The following GREB1 variants were observed in gnomAD, a reference collection of about 807,000 sequenced individuals.
GREB1 encodes growth regulating estrogen receptor binding 1, also known as protein GREB1.
GREB1 carries 106 observed loss-of-function variants against 200.7 expected under a neutral mutation model. The observed-to-expected ratio is 0.53, with a 90% CI of 0.45 to 0.62. The LOEUF (loss-of-function observed/expected upper bound fraction) is 0.62. Among genes scored for constraint, GREB1 ranks in the 20% least tolerant of loss-of-function variants. The pLI is 0.00. For missense variants in GREB1, 2,243 were observed against 2,556.8 expected (o/e 0.88, Z 2.65); for synonymous variants, 1,132 against 1,092.4 (o/e 1.04, Z -0.72).
At chr2:11,553,163 T>C (rs542550114) in intron 1 of GREB1, among the ~76,000 whole-genome samples, 1 of 152,284 alleles carries the variant, frequency 6.6e-6, no homozygotes, top group African/African-American at 2.4e-5. Flanking sequence ...CTTACAGACA[T>C]TAAAACTTTG....
intron 13 of GREB1, 107 bp downstream of exon 13, chr2:11,596,346 TGTGCACAG>T: frequency 2.5e-6 from 2 of 807,526 alleles, no homozygotes; most frequent in Non-Finnish European, 3.7e-6. Flanking sequence ...ATGGCGCAAG[TGTGCACAG>T]TGAGGGGGCA....
intron 17 of GREB1, among the ~76,000 whole-genome samples, chr2:11,605,452 C>G (rs1025559030): frequency 2.0e-5 from 3 of 152,038 alleles, no homozygotes; most frequent in Admixed American, 2.0e-4. Flanking sequence ...TCTCAAACTC[C>G]TGACTTCATG....
At chr2:11,574,134 C>T (rs987652561) in intron 4 of GREB1, among the ~76,000 whole-genome samples, 6 of 152,180 alleles carry the variant, frequency 3.9e-5, no homozygotes, top group Admixed American at 3.9e-4. Context: ...CTTACAGAAA[C>T]CCTAACAGGC....
chr2:11,605,173 T>TTTTTTTTTTTTC (rs1682150444), intron 17 of GREB1, among the ~76,000 whole-genome samples: 1 of 140,908 alleles, frequency 7.1e-6, no homozygotes, highest in Non-Finnish European at 1.5e-5. Context: ...TTTTTTTTTT[T>TTTTTTTTTTTTC]TTTACGCAGC....
intron 17 of GREB1, among the ~76,000 whole-genome samples, chr2:11,603,030 G>A (rs1462682202): frequency 6.6e-6 from 1 of 152,176 alleles, no homozygotes; most frequent in East Asian, 1.9e-4. Context: ...AAATGAAGAG[G>A]CTGAGGCTTG....
intron 1 of GREB1, among the ~76,000 whole-genome samples, chr2:11,516,467 G>A (rs907486745): frequency 1.1e-4 from 17 of 152,098 alleles, no homozygotes; most frequent in African/African-American, 3.4e-4. Context: ...GTGCATCCTC[G>A]AATGTCTTCT....
At position 11,610,669 on chromosome 2, in the gene GREB1, C is replaced by A; in HGVS notation, c.2667-19C>A. 1.3e-6 allele frequency: 2 copies of A among 1,568,536 alleles called. No individual in the cohort carries two copies. The highest frequency in any genetic ancestry group is 2.3e-5 in the South Asian group (2 of 87,630). On this transcript the variant is annotated intron_variant, in intron 17 of 32. Coordinates refer to ENST00000381486, the MANE Select transcript of GREB1 (RefSeq NM_014668.4). ...TGGGCGCGGCCGTCACAGACATGGT[C>A]TCTCTGTGTTCCTTGCAGGTTCCCC...
chr2:11,483,000 G>C (rs1013433780), intron 1 of GREB1, among the ~76,000 whole-genome samples: 7 of 151,504 alleles, frequency 4.6e-5, no homozygotes, highest in Non-Finnish European at 7.4e-5. Context: ...CGGGCGGAGC[G>C]GGGGCGCGGG....
At chr2:11,637,991 C>T in intron 31 of GREB1, 75 bp downstream of exon 31, 1 of 1,276,920 alleles carries the variant, frequency 7.8e-7, no homozygotes, top group South Asian at 1.2e-5. Context: ...GAATCTGGGA[C>T]TCTGAATCCT....
chr2:11,527,265 A>C (rs189376269), intron 1 of GREB1, among the ~76,000 whole-genome samples: 1 of 152,240 alleles, frequency 6.6e-6, no homozygotes, highest in Non-Finnish European at 1.5e-5. Flanking sequence ...GCTACTAGTC[A>C]TATTATTAGA....
chr2:11,508,504 A>G (rs1673246510), intron 1 of GREB1, among the ~76,000 whole-genome samples: 2 of 152,174 alleles, frequency 1.3e-5, no homozygotes, highest in African/African-American at 2.4e-5. Flanking sequence ...CAGTGTGGCA[A>G]AGGTTTGTTT....
Position 11,597,844 on chromosome 2 carries a change from C to G in GREB1, c.2018C>G (p.Ser673Cys). The change falls in exon 14 of 33, where the codon TCC (serine) becomes TGC (cysteine). Residue 673 changes from serine to cysteine, a missense_variant. Physicochemically the swap from Ser to Cys is moderately radical, Grantham distance 112 (BLOSUM62 -1). Around this residue, in one of 3 missense-constraint regions of GREB1, gnomAD observed 1,178 missense variants for 1,387.4 expected, o/e 0.85. Transcript: ENST00000381486. This position sits in a 1 kb window ranked among gnomAD's most constrained non-coding sequence, Gnocchi z 4.1. ...FQLAVAQKLL[S>C]HVCSIADSST... ...CTGGCAGTAGCGCAGAAGCTCCTCTCCCATGTGTGTTCCATTGCGGATTCC... is the reference window on the plus strand; with the variant it reads ...CTGGCAGTAGCGCAGAAGCTCCTCTGCCATGTGTGTTCCATTGCGGATTCC... 1 of 1,614,198 alleles carries G rather than the reference C, an allele frequency of 6.2e-7. No homozygotes were observed.
intron 1 of GREB1, among the ~76,000 whole-genome samples, chr2:11,523,341 A>G (rs930144550): frequency 2.0e-5 from 3 of 152,150 alleles, no homozygotes; most frequent in Admixed American, 1.3e-4. Flanking sequence ...ACATGAGTTT[A>G]CCTGTATAAC....
In GREB1 at chr2:11,638,736, C is replaced by G. The variant is rs1407229712; in HGVS notation, c.5613C>G (p.Phe1871Leu). Residue 1871 changes from phenylalanine to leucine, a missense_variant, in exon 32 of 33, where the codon TTC becomes TTG. Physicochemically the swap from Phe to Leu is conservative, Grantham distance 22 (BLOSUM62 0). Coordinates refer to ENST00000381486, the MANE Select transcript of GREB1 (RefSeq NM_014668.4). ...SLNISCSDLL[F>L]SGLLLYLCDS... is the part of the protein sequence containing the mutation. ...ACATCAGCTGCTCGGACTTGCTGTTCAGTGGGCTGCTGCTGTACCTCTGTG... is the reference window on the plus strand; with the variant it reads ...ACATCAGCTGCTCGGACTTGCTGTTGAGTGGGCTGCTGCTGTACCTCTGTG... The G allele has an allele frequency of 1.2e-6, 2 of 1,613,864 alleles. No individual in the cohort carries two copies. Among genetic ancestry groups the G allele is most frequent in the Non-Finnish European group, 1.7e-6 (2 of 1,179,832 alleles).
At chr2:11,483,672 C>T (rs1212601894) in intron 1 of GREB1, among the ~76,000 whole-genome samples, 1 of 143,482 alleles carries the variant, frequency 7.0e-6, no homozygotes, top group Non-Finnish European at 1.5e-5. Flanking sequence ...GCTGCTTCCC[C>T]GAAGTACAAG....
At chr2:11,529,958 G>A (rs1674009768), upstream of GREB1, among the ~76,000 whole-genome samples, 1 of 152,170 alleles carries the variant, frequency 6.6e-6, no homozygotes. Context: ...AGTTAAATTG[G>A]CTTGTCAGAA....
chr2:11,602,395 CT>C lies in GREB1; in HGVS notation c.2530-8del, dbSNP rs1440256047. 6.2e-7 allele frequency: 1 copy of C among 1,613,006 alleles called. No homozygotes were observed. Among genetic ancestry groups the C allele is most frequent in the African/African-American group, 1.3e-5 (1 of 74,916 alleles). Reference sequence around the variant, plus strand: ...CAGTGTTGGAGTGACCGACGCTCTTCTTTGTTTTAGGGAGTGGACTTATATC... The same window carrying C: ...CAGTGTTGGAGTGACCGACGCTCTTCTTGTTTTAGGGAGTGGACTTATATC... On this transcript the variant is annotated splice_polypyrimidine_tract_variant and intron_variant, in intron 16 of 32. Coordinates refer to ENST00000381486, the MANE Select transcript of GREB1 (RefSeq NM_014668.4).
In GREB1 at chr2:11,580,620, G is replaced by A; in HGVS notation, c.773-84G>A. On this transcript the variant is annotated intron_variant, in intron 6 of 32. Transcript: ENST00000381486. This position sits in a 1 kb window ranked among gnomAD's most constrained non-coding sequence, Gnocchi z 4.5. ...TGGGGAAAAGCTAGTTTGTGAAACT[G>A]CAAGGAAAATGATTTCCTCCTTGCC... is the stretch of plus-strand genomic sequence containing the variant. 1 of 1,482,036 alleles carries A rather than the reference G, an allele frequency of 6.7e-7. No homozygotes were observed. The highest frequency in any genetic ancestry group is 2.3e-5 in the East Asian group (1 of 43,934). 91.8% of individuals were successfully genotyped at this position (1,482,036 alleles called of 1,614,324 possible). A position where few individuals can be genotyped will look rare whatever the true frequency, so the allele number is the denominator to read the frequency against.
chr2:11,630,889 G>A (rs889929081), intron 26 of GREB1, among the ~76,000 whole-genome samples: 1 of 152,210 alleles, frequency 6.6e-6, no homozygotes, highest in Non-Finnish European at 1.5e-5. Context: ...CTCAAGGCAG[G>A]CCATGTGGAG....
Sources: gnomAD v4.1 joint callset for allele counts (sites outside exome capture counted in the v4.1 genomes callset) on GRCh38, gnomAD v4.1.1 for gene constraint, gnomAD v4.1.1 regional missense constraint, Gnocchi (gnomAD v3.1) non-coding constraint, MANE v1.5 for transcripts, NCBI Gene and HGNC (gene_info 2026-07-23, HGNC 2026-07-21) for gene names.